Variants in VAV3 observed in about 807,000 individuals in gnomAD.
VAV3 encodes the protein vav guanine nucleotide exchange factor 3.
Under a neutral mutation model 131.2 loss-of-function variants are expected in VAV3, and 94 were observed. The observed-to-expected ratio is 0.72, with a 90% confidence interval of 0.61 to 0.85. The LOEUF (loss-of-function observed/expected upper bound fraction) is 0.85. VAV3 is among the 40% of genes least tolerant of loss of function. The pLI, the probability that VAV3 is intolerant of heterozygous loss-of-function variation, is 0.00. For missense variants in VAV3, 939 were observed against 1,002.7 expected, an observed-to-expected ratio of 0.94 and a Z score of 0.86; for synonymous variants, 349 against 342.0, an observed-to-expected ratio of 1.02 and a Z score of -0.22.
At chr1:107,738,049 C>A (rs1662775138) in intron 15 of VAV3, among the ~76,000 whole-genome samples, 1 of 152,148 alleles carries the variant, frequency 6.6e-6, no homozygotes, top group South Asian at 2.1e-4. Context: ...AGTTCATGTC[C>A]TTTGTAGGGA....
intron 19 of VAV3, among the ~76,000 whole-genome samples, chr1:107,672,599 G>GA: frequency 6.6e-6 from 1 of 151,198 alleles, no homozygotes. Flanking sequence ...AAATACACCA[G>GA]AAAAAAAATA....
At chr1:107,675,936 T>C (rs997610869) in intron 19 of VAV3, among the ~76,000 whole-genome samples, 1 of 152,196 alleles carries the variant, frequency 6.6e-6, no homozygotes, top group South Asian at 2.1e-4. Context: ...AATCTCCAGT[T>C]CCTATTTTAG....
chr1:107,830,078 T>A (rs773599584), intron 2 of VAV3, among the ~76,000 whole-genome samples: 8 of 152,230 alleles, frequency 5.3e-5, no homozygotes, highest in Non-Finnish European at 1.2e-4. Flanking sequence ...CTTTCACCTT[T>A]TAAAATTCAG....
intron 19 of VAV3, chr1:107,669,157 C>T (rs1292374328): frequency 1.9e-6 from 2 of 1,075,092 alleles, no homozygotes; most frequent in African/African-American, 1.7e-5. Context: ...CATTCTATTT[C>T]ACCTTACAAA....
chr1:107,741,119 G>T (rs996353197), intron 15 of VAV3, among the ~76,000 whole-genome samples: 1 of 152,196 alleles, frequency 6.6e-6, no homozygotes, highest in African/African-American at 2.4e-5. Flanking sequence ...TTAGAACTCC[G>T]ACAGCTTCAT....
intron 15 of VAV3, among the ~76,000 whole-genome samples, chr1:107,717,961 C>G (rs866845620): frequency 4.6e-5 from 7 of 152,220 alleles, no homozygotes; most frequent in Middle Eastern, 3.4e-3. Context: ...GTTAGCTCTT[C>G]TTGTTGAATT....
In VAV3 at chr1:107,760,864, C is replaced by A. The variant is rs1433664571; in HGVS notation, c.937G>T (p.Ala313Ser). The A allele has an allele frequency of 9.9e-6, 16 of 1,613,372 alleles. No individual in the cohort carries two copies. The highest frequency in any genetic ancestry group is 1.3e-5 in the African/African-American group (1 of 74,886). Reference sequence around the variant, plus strand: ...CGAAGAGTAAATTTCCCATTATTTGCTCTTTTGGAACATTCCTAATGAAAT... The same window carrying A: ...CGAAGAGTAAATTTCCCATTATTTGATCTTTTGGAACATTCCTAATGAAAT... Reference protein sequence around the residue: ...KLKLEECSKRANNGKFTLRDL... With the variant: ...KLKLEECSKRSNNGKFTLRDL... The change falls in exon 10 of 27, where the codon GCA becomes TCA. Residue 313 changes from alanine to serine, a missense_variant. Ala to Ser is a moderately conservative substitution (Grantham distance 99). Transcript: ENST00000370056.
intron 20 of VAV3, among the ~76,000 whole-genome samples, chr1:107,635,742 C>T (rs1045275777): frequency 7.2e-5 from 11 of 152,246 alleles, no homozygotes; most frequent in Non-Finnish European, 1.5e-4. Context: ...ATCCCAATAT[C>T]CCTAAGGTGC....
chr1:107,730,237 T>C (rs949728138), intron 15 of VAV3, among the ~76,000 whole-genome samples: 2 of 152,218 alleles, frequency 1.3e-5, no homozygotes, highest in Admixed American at 6.5e-5. Context: ...AGCATTATCA[T>C]ACTGTGTCCA....
intron 2 of VAV3, among the ~76,000 whole-genome samples, chr1:107,870,314 T>C (rs1207516874): frequency 6.6e-6 from 1 of 152,194 alleles, no homozygotes; most frequent in East Asian, 1.9e-4. Flanking sequence ...TTTTGGTTTC[T>C]TAATTATGGC....
In VAV3 at chr1:107,757,183, G is replaced by A. The variant is rs554067274; in HGVS notation, c.1086+78C>T. ...TGTGTGTGTGTGTGTGTGTGTGTGT[G>A]TGTGTATGCAATTTGAATTCCATTG... On this transcript the variant is annotated intron_variant, in intron 11 of 26. Coordinates refer to ENST00000370056, the MANE Select transcript of VAV3 (RefSeq NM_006113.5). The A allele has an allele frequency of 1.5e-3, 1,318 of 876,166 alleles. 16 individuals are homozygous for A. The highest frequency in any genetic ancestry group is 0.014 in the African/African-American group (756 of 55,792). 54.3% of individuals were successfully genotyped at this position (876,166 alleles called of 1,614,324 possible).
chr1:107,896,796 C>T (rs1394336274), intron 1 of VAV3, among the ~76,000 whole-genome samples: 2 of 152,108 alleles, frequency 1.3e-5, no homozygotes, highest in East Asian at 3.9e-4. Flanking sequence ...ACTTTTCAGA[C>T]TTAAACTGTT....
chr1:107,589,321 G>C (rs1221124666), intron 25 of VAV3, among the ~76,000 whole-genome samples: 1 of 152,150 alleles, frequency 6.6e-6, no homozygotes, highest in East Asian at 1.9e-4. Context: ...TATTTGGGTG[G>C]GCCCTAAATC....
intron 1 of VAV3, among the ~76,000 whole-genome samples, chr1:107,916,588 A>AT (rs1371519034): frequency 6.6e-6 from 1 of 152,228 alleles, no homozygotes; most frequent in Non-Finnish European, 1.5e-5. Flanking sequence ...CAGGGAAAAA[A>AT]TTTTACAGGA....
At chr1:107,845,011 G>T (rs964989330) in intron 2 of VAV3, among the ~76,000 whole-genome samples, 2 of 152,196 alleles carry the variant, frequency 1.3e-5, no homozygotes, top group Admixed American at 1.3e-4. Context: ...TCCTGAGTGG[G>T]AGACACCTCC....
intron 20 of VAV3, among the ~76,000 whole-genome samples, chr1:107,637,889 T>C (rs1265026050): frequency 6.6e-6 from 1 of 152,212 alleles, no homozygotes; most frequent in Non-Finnish European, 1.5e-5. Context: ...CACTTGGGAT[T>C]TAATCATAGA....
At chr1:107,944,016 C>CTGG in intron 1 of VAV3, among the ~76,000 whole-genome samples, 1 of 152,234 alleles carries the variant, frequency 6.6e-6, no homozygotes, top group East Asian at 1.9e-4. Context: ...ACAGCTGTGC[C>CTGG]TGGTTTTGAC....
At chr1:107,779,614 A>G in intron 2 of VAV3, 122 bp from the exon 3 acceptor site, 1 of 578,008 alleles carries the variant, frequency 1.7e-6, no homozygotes, top group Admixed American at 3.9e-5. Context: ...CAGGTGTCAA[A>G]GATGTGCAGA....
chr1:107,898,604 A>C (rs1440553489), intron 1 of VAV3, among the ~76,000 whole-genome samples: 1 of 152,200 alleles, frequency 6.6e-6, no homozygotes, highest in African/African-American at 2.4e-5. Context: ...CTGCAGGGTA[A>C]TAGGAAGCAT....
Sources: allele counts gnomAD v4.1 joint callset (sites outside exome capture counted in the v4.1 genomes callset), GRCh38; gene constraint gnomAD v4.1.1; transcripts MANE v1.5; gene names NCBI Gene and HGNC (gene_info 2026-07-23, HGNC 2026-07-21).